The following MYO1B variants were observed in gnomAD, a reference collection of about 807,000 sequenced individuals.
The protein encoded by MYO1B is unconventional myosin-Ib.
In MYO1B, 72 loss-of-function variants were observed where a neutral mutation model predicts 159.7. The ratio of observed to expected loss-of-function variants is 0.45; its 90% CI spans 0.37 to 0.55. The LOEUF (loss-of-function observed/expected upper bound fraction) is 0.55. MYO1B is among the 20% of genes least tolerant of loss of function. The pLI is 0.00. For missense variants in MYO1B, 1,062 were observed against 1,364.8 expected, an observed-to-expected ratio of 0.78 and a Z score of 3.50; for synonymous variants, 468 against 473.8, an observed-to-expected ratio of 0.99 and a Z score of 0.16.
intron 13 of MYO1B, 125 bp downstream of exon 13, chr2:191,370,417 G>A (rs1450741375): frequency 1.5e-6 from 1 of 684,244 alleles, no homozygotes; most frequent in Non-Finnish European, 2.5e-6. Flanking sequence ...TTGTGTAGAT[G>A]TAACACACTA....
At chr2:191,313,619 C>T (rs6741557) in intron 3 of MYO1B, among the ~76,000 whole-genome samples, 13 of 152,066 alleles carry the variant, frequency 8.5e-5, no homozygotes, top group South Asian at 2.1e-4. Context: ...CTCCTGACCT[C>T]GTGATCCACC....
chr2:191,310,281 C>T (rs1180424628), intron 3 of MYO1B, among the ~76,000 whole-genome samples: 4 of 152,164 alleles, frequency 2.6e-5, no homozygotes, highest in Non-Finnish European at 5.9e-5. Flanking sequence ...TGGCTTGCTG[C>T]AGCCTCCACC....
intron 24 of MYO1B, among the ~76,000 whole-genome samples, chr2:191,404,604 G>A (rs1221187632): frequency 6.6e-6 from 1 of 152,120 alleles, no homozygotes; most frequent in Non-Finnish European, 1.5e-5. Flanking sequence ...ATACCTCAGA[G>A]ATATTGCAGG....
chr2:191,263,637 C>A (rs1036677349), intron 1 of MYO1B: 1 of 152,130 alleles, frequency 6.6e-6, no homozygotes, highest in South Asian at 2.1e-4. Context: ...TTATTTCTTA[C>A]CAAAACTTTT....
Position 191,364,281 on chromosome 2 carries a change from G to A in MYO1B, c.1032+5G>A. On this transcript the variant is annotated splice_donor_5th_base_variant and intron_variant, in intron 11 of 30. Transcript: ENST00000392318. ...ACTACACTGAATGTGGCTCAGGTGG[G>A]TGAAACATAATGTACAGACGAAAGT... 1 of 1,604,050 alleles carries A rather than the reference G, an allele frequency of 6.2e-7. No individual in the cohort carries two copies. The highest frequency in any genetic ancestry group is 8.5e-7 in the Non-Finnish European group (1 of 1,171,068).
chr2:191,387,723 A>G (rs1695478542), intron 17 of MYO1B: 1 of 444,556 alleles, frequency 2.2e-6, no homozygotes, highest in Non-Finnish European at 4.0e-6. Flanking sequence ...AACTTTCTGT[A>G]TGTTTATTAT....
At chr2:191,338,840 C>T (rs1692028118) in intron 4 of MYO1B, among the ~76,000 whole-genome samples, 1 of 152,294 alleles carries the variant, frequency 6.6e-6, no homozygotes, top group Non-Finnish European at 1.5e-5. Flanking sequence ...TAAAAGAAAA[C>T]TTACCTTTTC....
intron 1 of MYO1B, among the ~76,000 whole-genome samples, chr2:191,276,525 T>C (rs1251649148): frequency 6.6e-6 from 1 of 152,200 alleles, no homozygotes; most frequent in Non-Finnish European, 1.5e-5. Flanking sequence ...TAGTCTGACA[T>C]TGGTACACAA....
chr2:191,323,855 T>C (rs925118722), intron 3 of MYO1B, among the ~76,000 whole-genome samples: 18 of 152,166 alleles, frequency 1.2e-4, no homozygotes, highest in South Asian at 2.1e-4. Flanking sequence ...TGGCCACTTA[T>C]GTTTAGGATA....
chr2:191,341,004 G>A (rs1439586441), intron 4 of MYO1B, among the ~76,000 whole-genome samples: 1 of 152,150 alleles, frequency 6.6e-6, no homozygotes, highest in African/African-American at 2.4e-5. Context: ...GATTACAGGC[G>A]GGAGCCACTG....
intron 18 of MYO1B, 118 bp downstream of exon 18, chr2:191,390,610 G>A: frequency 8.5e-7 from 1 of 1,169,924 alleles, no homozygotes; most frequent in South Asian, 1.7e-5. Context: ...TGTAACCTCT[G>A]TTTTGGACCT....
intron 30 of MYO1B, among the ~76,000 whole-genome samples, chr2:191,421,265 T>C (rs1461916217): frequency 6.6e-6 from 1 of 151,782 alleles, no homozygotes; most frequent in Non-Finnish European, 1.5e-5. Context: ...AGACGAGGTT[T>C]CACCGTCTTG....
intron 1 of MYO1B, among the ~76,000 whole-genome samples, chr2:191,265,565 C>T (rs1274483362): frequency 2.0e-5 from 3 of 152,124 alleles, no homozygotes; most frequent in African/African-American, 7.2e-5. Flanking sequence ...TCTTTCTTGG[C>T]GTCTGTGCAC....
intron 23 of MYO1B, 26 bp from the exon 24 acceptor site, chr2:191,402,606 T>C (rs1441392480): frequency 6.2e-7 from 1 of 1,605,992 alleles, no homozygotes; most frequent in South Asian, 1.1e-5. Flanking sequence ...GGCTGTCTCT[T>C]TTATTTACTA....
rs565712712 is a variant in MYO1B at position 191,402,957 on chromosome 2, C to A, written c.2556+239C>A. 3.3e-5 allele frequency among the ~76,000 whole-genome samples: 5 copies of A among 152,192 alleles called. No individual in the cohort carries two copies. The South Asian group carries it at 1.0e-3, about 32-fold the overall frequency. ...TAATAGCAATATGGCATGTTTTATT[C>A]AAGATACTATGTTATCAAAGTTCTA... On this transcript the variant is annotated intron_variant, in intron 24 of 30. Transcript: ENST00000392318.
At chr2:191,362,481 GT>G in intron 9 of MYO1B, 110 bp downstream of exon 9, 1 of 663,386 alleles carries the variant, frequency 1.5e-6, no homozygotes, top group Non-Finnish European at 2.4e-6. Flanking sequence ...TCTCCCTAAG[GT>G]TTTAGAATTA....
chr2:191,382,801 C>T (rs1057408453), intron 14 of MYO1B, among the ~76,000 whole-genome samples: 1 of 152,016 alleles, frequency 6.6e-6, no homozygotes, highest in Non-Finnish European at 1.5e-5. Context: ...TTTTTTAACA[C>T]TTGAAAGAGT....
intron 3 of MYO1B, among the ~76,000 whole-genome samples, chr2:191,322,575 C>A (rs1690795389): frequency 6.6e-6 from 1 of 152,036 alleles, no homozygotes; most frequent in Non-Finnish European, 1.5e-5. Flanking sequence ...GGCCTCCAGG[C>A]TAGAAAAAAT....
At position 191,313,192 on chromosome 2, in the gene MYO1B, C is replaced by CTTTTTTT. The variant is rs762175060; in HGVS notation, c.252-16714_252-16708dup. 6.2e-3 allele frequency among the ~76,000 whole-genome samples: 265 copies of CTTTTTTT among 43,012 alleles called. 50 individuals are homozygous for CTTTTTTT. The highest frequency in any genetic ancestry group is 7.1e-3 in the Non-Finnish European group (191 of 26,758). The allele number at this position is 43,012 out of a possible 152,430, so 28.2% of individuals were successfully genotyped here. On this transcript the variant is annotated intron_variant, in intron 3 of 30. Transcript: ENST00000392318. ...TAGTTATAATATCTGGCACACATGG[C>CTTTTTTT]TTTTTTTTTTTTTTTTTTTTTTTTT... is the stretch of plus-strand genomic sequence containing the variant.
Sources: gnomAD v4.1 joint callset for allele counts (sites outside exome capture counted in the v4.1 genomes callset) on GRCh38, gnomAD v4.1.1 for gene constraint, MANE v1.5 for transcripts, NCBI Gene and HGNC (gene_info 2026-07-23, HGNC 2026-07-21) for gene names.